The following SLIT1 variants were observed in gnomAD, a reference collection of about 807,000 sequenced individuals.
SLIT1 encodes slit guidance ligand 1.
A neutral mutation model predicts 186.1 loss-of-function variants in SLIT1; 66 were observed. The ratio of observed to expected loss-of-function variants is 0.35; its 90% CI spans 0.29 to 0.44. The LOEUF is 0.44. SLIT1 is among the 20% of genes least tolerant of loss of function. The pLI, the probability that SLIT1 is intolerant of heterozygous loss-of-function variation, is 1.00. For missense variants in SLIT1, 1,638 were observed against 2,037.4 expected (o/e 0.80, Z 3.77); for synonymous variants, 761 against 833.8 (o/e 0.91, Z 1.50).
intron 4 of SLIT1, among the ~76,000 whole-genome samples, chr10:97,128,887 C>CT (rs2134693239): frequency 6.6e-6 from 1 of 152,056 alleles, no homozygotes; most frequent in Non-Finnish European, 1.5e-5. Context: ...AGCCCCATTC[C>CT]TTCCGTGTTC....
chr10:97,019,575 C>T (rs1384337299), intron 26 of SLIT1, among the ~76,000 whole-genome samples: 5 of 152,170 alleles, frequency 3.3e-5, no homozygotes, highest in Non-Finnish European at 7.4e-5. Flanking sequence ...TTGTGAGCAT[C>T]GTGCCCAAGC....
At chr10:97,173,837 G>A (rs544862973) in intron 1 of SLIT1, among the ~76,000 whole-genome samples, 10 of 152,324 alleles carry the variant, frequency 6.6e-5, no homozygotes, top group African/African-American at 2.2e-4. Flanking sequence ...CTGACCCCAA[G>A]GAAAGGGTAG....
At chr10:97,090,978 G>T (rs151129427) in intron 4 of SLIT1, among the ~76,000 whole-genome samples, 1 of 152,314 alleles carries the variant, frequency 6.6e-6, no homozygotes, top group South Asian at 2.1e-4. Flanking sequence ...CCCCAGGAGG[G>T]GTTTGTTCAA....
chr10:97,121,549 C>T (rs747385002), intron 4 of SLIT1, among the ~76,000 whole-genome samples: 50 of 152,216 alleles, frequency 3.3e-4, no homozygotes, highest in Non-Finnish European at 6.5e-4. Flanking sequence ...AACTGAGGCT[C>T]AGAGAGATGA....
intron 4 of SLIT1, among the ~76,000 whole-genome samples, chr10:97,146,913 AAAAGGCATTGCCTTCTCTGGTG>A (rs1849824453): frequency 8.5e-6 from 1 of 117,338 alleles, no homozygotes; most frequent in African/African-American, 2.8e-5. Context: ...AATCTGGTGG[AAAAGGCATTGCCTTCTCTGGTG>A]GAGAAGGCAA....
chr10:97,057,536 C>G (rs1346976775), intron 11 of SLIT1, among the ~76,000 whole-genome samples: 1 of 152,264 alleles, frequency 6.6e-6, no homozygotes, highest in East Asian at 1.9e-4. Flanking sequence ...CAAAGCAGCT[C>G]CTGCTTCACC....
At chr10:97,072,819 A>G (rs1849012088) in intron 4 of SLIT1, among the ~76,000 whole-genome samples, 1 of 152,184 alleles carries the variant, frequency 6.6e-6, no homozygotes, top group Admixed American at 6.5e-5. Flanking sequence ...TTGACCAACC[A>G]TGGACCTCGA....
intron 4 of SLIT1, among the ~76,000 whole-genome samples, chr10:97,094,370 G>A (rs1290908112): frequency 6.6e-6 from 1 of 152,188 alleles, no homozygotes; most frequent in Non-Finnish European, 1.5e-5. Flanking sequence ...TCCTTTAGAG[G>A]TGGCACCCTT....
Position 97,008,984 on chromosome 10 carries a change from A to G in SLIT1, c.3341+2009T>C, listed in dbSNP as rs193105517. 6.4e-3 allele frequency among the ~76,000 whole-genome samples: 968 copies of G among 151,824 alleles called. 10 individuals are homozygous for G. The highest frequency in any genetic ancestry group is 0.021 in the African/African-American group (858 of 41,368). On this transcript the variant is annotated intron_variant, in intron 31 of 36. Transcript: ENST00000266058. ...AAGCTCTGCCTCCCGGGTTCATGCC[A>G]TTCTCCTGCCTCAGCCTCCCCAGCA...
At chr10:97,026,443 G>A (rs1589366783) in intron 25 of SLIT1, among the ~76,000 whole-genome samples, 2 of 151,204 alleles carry the variant, frequency 1.3e-5, no homozygotes, top group East Asian at 3.9e-4. Context: ...CAGCCTGGGC[G>A]ATAAGAGCGA....
intron 1 of SLIT1, among the ~76,000 whole-genome samples, chr10:97,165,503 G>C (rs1396385225): frequency 6.6e-6 from 1 of 152,126 alleles, no homozygotes; most frequent in Non-Finnish European, 1.5e-5. Flanking sequence ...AACTGCACAC[G>C]ACGGGGAGGG....
intron 4 of SLIT1, among the ~76,000 whole-genome samples, chr10:97,156,572 G>A (rs577955246): frequency 2.9e-4 from 44 of 152,092 alleles, no homozygotes; most frequent in Non-Finnish European, 5.4e-4. Context: ...GCAACATCTC[G>A]TCTCAAAAAT....
At chr10:97,138,003 C>CGG (rs1414831980) in intron 4 of SLIT1, among the ~76,000 whole-genome samples, 1 of 152,218 alleles carries the variant, frequency 6.6e-6, no homozygotes, top group Non-Finnish European at 1.5e-5. Context: ...AGTCTAAACT[C>CGG]AACTTCCCTG....
intron 4 of SLIT1, among the ~76,000 whole-genome samples, chr10:97,092,471 G>A (rs1849242474): frequency 6.6e-6 from 1 of 152,196 alleles, no homozygotes; most frequent in Non-Finnish European, 1.5e-5. Flanking sequence ...GCACCTGAAA[G>A]CCTCAGAAGC....
Position 97,019,024 on chromosome 10 carries a change from GGTC to G in SLIT1, c.2827_2829del (p.Asp943del), listed in dbSNP as rs1204942607. ...CAGGCGCACCTGTACACCTCAAGGGGGTCGTTGTGGCAGGTGCCCTGGTTCTGG... is the reference window on the plus strand; with the variant it reads ...CAGGCGCACCTGTACACCTCAAGGGGGTTGTGGCAGGTGCCCTGGTTCTGG... On this transcript the variant is annotated inframe_deletion, in exon 27 of 37. Transcript: ENST00000266058. 5.0e-6 allele frequency: 8 copies of G among 1,613,776 alleles called. No homozygotes were observed. Among genetic ancestry groups the G allele is most frequent in the Non-Finnish European group, 6.8e-6 (8 of 1,179,844 alleles).
intron 4 of SLIT1, among the ~76,000 whole-genome samples, chr10:97,114,562 G>C (rs891642496): frequency 6.6e-6 from 1 of 152,174 alleles, no homozygotes; most frequent in African/African-American, 2.4e-5. Flanking sequence ...TGGAGCCTGA[G>C]GTGGGAGGAT....
chr10:97,175,880 A>G (rs553870898), intron 1 of SLIT1, among the ~76,000 whole-genome samples: 1 of 152,084 alleles, frequency 6.6e-6, no homozygotes, highest in Admixed American at 6.6e-5. Context: ...CAGACCAGAC[A>G]CCTCACTCCC....
At chr10:97,058,076 G>A (rs905299642) in intron 11 of SLIT1, 27 of 717,280 alleles carry the variant, frequency 3.8e-5, no homozygotes, top group African/African-American at 2.6e-4. Context: ...TGTGCCTGTC[G>A]TGTGTGGACA....
chr10:97,050,529 T>C (rs886275013), intron 13 of SLIT1, among the ~76,000 whole-genome samples: 1 of 152,232 alleles, frequency 6.6e-6, no homozygotes. Flanking sequence ...CCACCTCTTC[T>C]GCATCAAGCT....
Sources: allele counts gnomAD v4.1 joint callset (sites outside exome capture counted in the v4.1 genomes callset), GRCh38; gene constraint gnomAD v4.1.1; transcripts MANE v1.5; gene names NCBI Gene and HGNC (gene_info 2026-07-23, HGNC 2026-07-21).